WDR49: variants seen among roughly 807,000 people sequenced by gnomAD.
The protein encoded by WDR49 is WD repeat domain 49, also known as cilia- and flagella-associated protein 337.
WDR49 carries 107 observed loss-of-function variants against 119.5 expected under a neutral mutation model. That is an observed-to-expected ratio of 0.90 (90% CI 0.77 to 1.05). The LOEUF (loss-of-function observed/expected upper bound fraction) is 1.05, where lower values mean the gene tolerates loss of function less well. Ranked by LOEUF, WDR49 falls within the 50% of genes least tolerant of loss-of-function variation. The probability of loss-of-function intolerance (pLI) is 0.00; values close to 1 mark genes in which losing one functional copy is unlikely to be tolerated. For missense variants in WDR49, 1,240 were observed against 1,220.5 expected (o/e 1.02, Z -0.24); for synonymous variants, 425 against 418.8 (o/e 1.01, Z -0.18).
chr3:167,484,689 C>CAAAAAAAAAAAA (rs11354730), intron 18 of WDR49, among the ~76,000 whole-genome samples: 1 of 119,406 alleles, frequency 8.4e-6, no homozygotes, highest in African/African-American at 3.0e-5. Flanking sequence ...AGGATGATGG[C>CAAAAAAAAAAAA]AAAAAAAAAA....
chr3:167,588,630 T>C (rs1254718140), intron 7 of WDR49, among the ~76,000 whole-genome samples: 1 of 152,112 alleles, frequency 6.6e-6, no homozygotes, highest in African/African-American at 2.4e-5. Flanking sequence ...CATTTTTAAC[T>C]GGGGTAACAT....
chr3:167,547,918 T>C (rs1186259883), intron 10 of WDR49, among the ~76,000 whole-genome samples: 3 of 152,044 alleles, frequency 2.0e-5, no homozygotes, highest in Non-Finnish European at 4.4e-5. Context: ...CAAAAAGCCT[T>C]TTCAACTTTG....
At chr3:167,488,214 TAA>T (rs545889705) in intron 18 of WDR49, among the ~76,000 whole-genome samples, 2 of 142,280 alleles carry the variant, frequency 1.4e-5, no homozygotes, top group African/African-American at 5.2e-5. Context: ...TATGCAACCA[TAA>T]AAAATATGAA....
chr3:167,517,160 A>G lies in WDR49; in HGVS notation c.2774+5155T>C, dbSNP rs189002203. On this transcript the variant is annotated intron_variant, in intron 16 of 18. Coordinates refer to ENST00000682715, the MANE Select transcript of WDR49 (RefSeq NM_001366157.1). ...CTCTTGACATTCTTGACAGAATTAG[A>G]AAAAAACTATTTTAAAATTCATATG... 6.3e-3 allele frequency among the ~76,000 whole-genome samples: 961 copies of G among 152,158 alleles called. 13 individuals are homozygous for G. The highest frequency in any genetic ancestry group is 0.022 in the African/African-American group (906 of 41,522).
At chr3:167,497,752 C>A (rs9871047) in intron 18 of WDR49, among the ~76,000 whole-genome samples, 76,018 of 151,936 alleles carry the variant, frequency 0.5, 19,472 homozygotes, top group African/African-American at 0.62. Flanking sequence ...TCCTGAATGC[C>A]TACCCTGTAT....
rs564185210 is a variant in WDR49 at position 167,534,016 on chromosome 3, C to T, written c.1955-1039G>A. 1.7e-4 allele frequency among the ~76,000 whole-genome samples: 26 copies of T among 151,696 alleles called. No individual in the cohort carries two copies. The South Asian group carries it at 4.8e-3, about 28-fold the overall frequency. Reference sequence around the variant, plus strand: ...CAGCCTGGCCAACATGGTGAAACCCCGTCTCTACTAAAGATACAAAAAAAA... The same window carrying T: ...CAGCCTGGCCAACATGGTGAAACCCTGTCTCTACTAAAGATACAAAAAAAA... On this transcript the variant is annotated intron_variant, in intron 11 of 18. Coordinates refer to ENST00000682715, the MANE Select transcript of WDR49 (RefSeq NM_001366157.1).
At chr3:167,633,582 T>C in intron 2 of WDR49, 1 of 432,052 alleles carries the variant, frequency 2.3e-6, no homozygotes, top group Non-Finnish European at 4.6e-6. Flanking sequence ...AGATAACCTT[T>C]CAATCTAAAA....
At chr3:167,605,498 G>A (rs1315134212) in intron 5 of WDR49, among the ~76,000 whole-genome samples, 3 of 152,120 alleles carry the variant, frequency 2.0e-5, no homozygotes, top group Admixed American at 1.3e-4. Flanking sequence ...AAAAAAAACA[G>A]ATGCAGTCTG....
intron 16 of WDR49, among the ~76,000 whole-genome samples, chr3:167,521,679 A>G (rs1368894076): frequency 6.6e-6 from 1 of 152,166 alleles, no homozygotes. Context: ...ATCTATCTCT[A>G]CAAGAATAAA....
chr3:167,636,568 C>G (rs1717629409), intron 2 of WDR49, among the ~76,000 whole-genome samples: 1 of 151,712 alleles, frequency 6.6e-6, no homozygotes, highest in Non-Finnish European at 1.5e-5. Flanking sequence ...AGAATCTCCA[C>G]ACTGTTTTTC....
intron 15 of WDR49, among the ~76,000 whole-genome samples, chr3:167,526,404 C>T (rs75747638): frequency 1.3e-5 from 2 of 152,104 alleles, no homozygotes; most frequent in Non-Finnish European, 2.9e-5. Context: ...GATGACGTTT[C>T]GTTTCTTTAC....
At chr3:167,533,343 C>A (rs1469567135) in intron 11 of WDR49, among the ~76,000 whole-genome samples, 1 of 152,048 alleles carries the variant, frequency 6.6e-6, no homozygotes, top group Non-Finnish European at 1.5e-5. Flanking sequence ...CTGCAATTTT[C>A]TCATCTATAA....
intron 10 of WDR49, among the ~76,000 whole-genome samples, chr3:167,549,220 G>A (rs539492051): frequency 6.6e-5 from 10 of 152,270 alleles, no homozygotes; most frequent in African/African-American, 2.4e-4. Flanking sequence ...TAATGGGATG[G>A]CTGGGTCAAA....
intron 10 of WDR49, among the ~76,000 whole-genome samples, chr3:167,551,769 C>A (rs1053185035): frequency 4.6e-5 from 7 of 151,980 alleles, no homozygotes; most frequent in African/African-American, 1.7e-4. Context: ...TCTCTCTAAT[C>A]CTTAGTTTCC....
intron 16 of WDR49, among the ~76,000 whole-genome samples, chr3:167,512,290 G>A (rs917304157): frequency 2.0e-5 from 3 of 152,142 alleles, no homozygotes; most frequent in African/African-American, 7.2e-5. Context: ...GCCTCCACTG[G>A]TGATACCTCC....
intron 2 of WDR49, among the ~76,000 whole-genome samples, chr3:167,644,415 A>G (rs1718024934): frequency 6.6e-6 from 1 of 152,128 alleles, no homozygotes; most frequent in African/African-American, 2.4e-5. Context: ...TCTACACCAC[A>G]TAAATATGTA....
At chr3:167,621,708 G>C (rs1716880262) in intron 3 of WDR49, 65 bp from the exon 4 acceptor site, 2 of 1,415,012 alleles carry the variant, frequency 1.4e-6, no homozygotes, top group Non-Finnish European at 9.4e-7. Context: ...AATATGCAAA[G>C]CAGACACGCC....
Position 167,554,704 on chromosome 3 carries a change from A to G in WDR49, c.1769T>C (p.Ile590Thr). Residue 590 changes from isoleucine (I) to threonine (T), a missense_variant, in exon 10 of 19, where the codon ATA becomes ACA. Physicochemically the swap from Ile to Thr is moderately conservative, Grantham distance 89 (BLOSUM62 -1). Transcript: ENST00000682715. ...ATACCTCTCCCAGCCTGTAACCAGT[A>G]TTTTCTTCTTAAGAATGAGGATTTG... is the stretch of plus-strand genomic sequence containing the variant. ...ISQILILKKK[I>T]LVTGWERYDY... The G allele has an allele frequency of 6.2e-7, 1 of 1,613,050 alleles. No homozygotes were observed. Among genetic ancestry groups the G allele is most frequent in the Non-Finnish European group, 8.5e-7 (1 of 1,179,438 alleles).
At position 167,627,024 on chromosome 3, in the gene WDR49, T is replaced by C; in HGVS notation, c.434A>G (p.Lys145Arg). Reference protein sequence around the residue: ...LPVKHKDTIQKVIFLKNSSHY... With the variant: ...LPVKHKDTIQRVIFLKNSSHY... ...ACTTGAATTTTTTAAGAAAATTACT[T>C]TTTGAATGGTGTCCTTGTGTTTTAC... The change falls in exon 3 of 19, where the codon AAA (lysine) becomes AGA (arginine). Residue 145 changes from lysine (K) to arginine (R), a missense_variant. Coordinates refer to ENST00000682715, the MANE Select transcript of WDR49 (RefSeq NM_001366157.1). 2 of 1,331,710 alleles carry C rather than the reference T, an allele frequency of 1.5e-6. No individual in the cohort carries two copies. 82.5% of individuals were successfully genotyped at this position (1,331,710 alleles called of 1,614,324 possible). A position where few individuals can be genotyped will look rare whatever the true frequency, so the allele number is the denominator to read the frequency against.
Sources: allele counts gnomAD v4.1 joint callset (sites outside exome capture counted in the v4.1 genomes callset), GRCh38; gene constraint gnomAD v4.1.1; transcripts MANE v1.5; gene names NCBI Gene and HGNC (gene_info 2026-07-23, HGNC 2026-07-21).